The following RERE variants were observed in gnomAD, a reference collection of about 807,000 sequenced individuals.
RERE encodes the protein arginine-glutamic acid dipeptide repeats protein.
RERE carries 40 observed loss-of-function variants against 146.1 expected under a neutral mutation model. The observed-to-expected ratio is 0.27, with a 90% confidence interval of 0.21 to 0.36. RERE has a LOEUF of 0.36. Among genes scored for constraint, RERE ranks in the 10% least tolerant of loss-of-function variants. The pLI, the probability that RERE is intolerant of heterozygous loss-of-function variation, is 1.00. For synonymous variants in RERE, 1,003 were observed against 866.0 expected (o/e 1.16, Z -2.78); for missense variants, 1,933 against 2,138.7 (o/e 0.90, Z 1.90).
chr1:8,660,086 AT>A (rs1447918924), intron 1 of RERE, among the ~76,000 whole-genome samples: 2 of 151,972 alleles, frequency 1.3e-5, no homozygotes, highest in Non-Finnish European at 2.9e-5. Context: ...TTAATACCAT[AT>A]CATTTATATA....
intron 1 of RERE, chr1:8,750,451 G>A: frequency 1.1e-6 from 1 of 907,838 alleles, no homozygotes; most frequent in Non-Finnish European, 1.8e-6. Flanking sequence ...TTGAAGAGAA[G>A]AAGGTGGTTC....
intron 1 of RERE, among the ~76,000 whole-genome samples, chr1:8,702,685 T>C (rs1277522575): frequency 1.3e-5 from 2 of 152,220 alleles, no homozygotes; most frequent in Admixed American, 1.3e-4. Context: ...TTCTGCATTA[T>C]ACTCGGCTTC....
intron 7 of RERE, among the ~76,000 whole-genome samples, chr1:8,518,841 T>C: frequency 6.6e-6 from 1 of 152,180 alleles, no homozygotes; most frequent in East Asian, 1.9e-4. Flanking sequence ...TAGAGAAAAA[T>C]TTCCATAAAT....
rs571192127 is a variant in RERE, at chr1:8,677,454, G to GA, written c.-144-21014dup. Among the ~76,000 whole-genome samples, 569 of 101,574 alleles carry GA rather than the reference G, an allele frequency of 5.6e-3. 1 individual carries two copies. Among genetic ancestry groups the GA allele is most frequent in the East Asian group, 0.015 (52 of 3,396 alleles). 66.6% of individuals were successfully genotyped at this position (101,574 alleles called of 152,430 possible). On this transcript the variant is annotated intron_variant, in intron 1 of 22. Coordinates refer to ENST00000400908, the MANE Select transcript of RERE (RefSeq NM_001042681.2). ...AAAAAAAAAAAAGAAAGAAAGAAAA[G>GA]AAAAAAAAAAAAAAAGAAATTGTTG...
chr1:8,550,884 G>A (rs1645927477), intron 6 of RERE, among the ~76,000 whole-genome samples: 1 of 152,264 alleles, frequency 6.6e-6, no homozygotes, highest in East Asian at 1.9e-4. Flanking sequence ...GAATGGTTGG[G>A]AAACTGTCCA....
intron 1 of RERE, chr1:8,807,157 T>A (rs1468124856): frequency 6.6e-6 from 1 of 152,118 alleles, no homozygotes; most frequent in Non-Finnish European, 1.5e-5. Context: ...GCTCAAACAA[T>A]CCTCCCGCCT....
chr1:8,381,036 C>T (rs1238492115), intron 12 of RERE: 1 of 456,606 alleles, frequency 2.2e-6, no homozygotes, highest in Admixed American at 2.3e-5. Flanking sequence ...ACCTGGAACG[C>T]CTTCTCCTGG....
Position 8,364,696 on chromosome 1 carries a change from G to T in RERE, c.1540+50C>A. Reference sequence around the variant, plus strand: ...GGATGCATGAAATGTTCAGAACATGGAAGTGCTTGTGCCCCCGCCCCGCCC... The same window carrying T: ...GGATGCATGAAATGTTCAGAACATGTAAGTGCTTGTGCCCCCGCCCCGCCC... On this transcript the variant is annotated intron_variant, in intron 14 of 22. Transcript: ENST00000400908. The surrounding 1 kb of genome is among the most constrained non-coding windows in gnomAD (Gnocchi z 5.1). 7.6e-7 allele frequency: 1 copy of T among 1,322,844 alleles called. No homozygotes were observed. The highest frequency in any genetic ancestry group is 1.1e-6 in the Non-Finnish European group (1 of 915,676). The allele number at this position is 1,322,844 out of a possible 1,614,324, so 81.9% of individuals were successfully genotyped here. A position where few individuals can be genotyped will look rare whatever the true frequency, so the allele number is the denominator to read the frequency against.
intron 1 of RERE, among the ~76,000 whole-genome samples, chr1:8,765,587 G>A (rs909980179): frequency 1.7e-4 from 26 of 152,230 alleles, no homozygotes; most frequent in Non-Finnish European, 3.7e-4. Flanking sequence ...GGGAGGCTGA[G>A]GTGGATGGAT....
At chr1:8,787,046 C>T (rs978132055) in intron 1 of RERE, 6 of 543,664 alleles carry the variant, frequency 1.1e-5, no homozygotes, top group African/African-American at 3.8e-5. Flanking sequence ...CTTCCAGTGG[C>T]ATTATACTTG....
intron 1 of RERE, among the ~76,000 whole-genome samples, chr1:8,660,594 C>T (rs960030363): frequency 1.8e-4 from 28 of 152,212 alleles, no homozygotes; most frequent in Non-Finnish European, 3.8e-4. Flanking sequence ...GAGCTCAACC[C>T]TATCTGGCTT....
In RERE at chr1:8,501,032, G is replaced by T. The variant is rs1266950588; in HGVS notation, c.880-3503C>A. Among the ~76,000 whole-genome samples, 4 of 53,292 alleles carry T rather than the reference G, an allele frequency of 7.5e-5. 1 individual carries two copies. The allele number at this position is 53,292 out of a possible 152,430, so 35.0% of individuals were successfully genotyped here. A position where few individuals can be genotyped will look rare whatever the true frequency, so the allele number is the denominator to read the frequency against. On this transcript the variant is annotated intron_variant, in intron 8 of 22. Transcript: ENST00000400908. Reference sequence around the variant, plus strand: ...CGCCCGGCAGCCACCCCGTCCGGGAGGGGGGGGGGGGGTCAGCCCCCCGCC... The same window carrying T: ...CGCCCGGCAGCCACCCCGTCCGGGATGGGGGGGGGGGGTCAGCCCCCCGCC...
At chr1:8,519,576 A>G (rs1313574849) in intron 7 of RERE, 2 of 152,198 alleles carry the variant, frequency 1.3e-5, no homozygotes, top group African/African-American at 4.8e-5. Flanking sequence ...ATAAAAATAA[A>G]AGATGATTTA....
chr1:8,666,230 C>T (rs1169648432), intron 1 of RERE, among the ~76,000 whole-genome samples: 1 of 152,194 alleles, frequency 6.6e-6, no homozygotes, highest in Non-Finnish European at 1.5e-5. Context: ...TTGTTAGTGT[C>T]GGCCAAACAA....
chr1:8,427,687 CTGT>C (rs1644035257), intron 11 of RERE, among the ~76,000 whole-genome samples: 2 of 145,856 alleles, frequency 1.4e-5, no homozygotes, highest in South Asian at 4.5e-4. Flanking sequence ...GTGGCCTGTA[CTGT>C]TACTTCTCTA....
intron 2 of RERE, among the ~76,000 whole-genome samples, chr1:8,648,803 T>C (rs1456120030): frequency 1.3e-5 from 2 of 152,140 alleles, no homozygotes; most frequent in African/African-American, 2.4e-5. Flanking sequence ...TGTTTTGCAC[T>C]ATGTTCATGA....
At chr1:8,440,653 C>G (rs564201950) in intron 11 of RERE, among the ~76,000 whole-genome samples, 2 of 149,478 alleles carry the variant, frequency 1.3e-5, no homozygotes, top group African/African-American at 4.9e-5. Flanking sequence ...TTTGGGAGGC[C>G]GAGGCTGGCG....
chr1:8,500,444 G>A (rs1645115990), intron 8 of RERE, among the ~76,000 whole-genome samples: 1 of 152,228 alleles, frequency 6.6e-6, no homozygotes, highest in African/African-American at 2.4e-5. Context: ...GCTCCTGACC[G>A]CGAGTGATCC....
chr1:8,447,753 T>C (rs953000500), intron 11 of RERE, among the ~76,000 whole-genome samples: 1 of 152,212 alleles, frequency 6.6e-6, no homozygotes, highest in Non-Finnish European at 1.5e-5. Context: ...TGACCGTGTA[T>C]GCAATGGACA....
Sources: gnomAD v4.1 joint callset for allele counts (sites outside exome capture counted in the v4.1 genomes callset) on GRCh38, gnomAD v4.1.1 for gene constraint, Gnocchi (gnomAD v3.1) non-coding constraint, MANE v1.5 for transcripts, NCBI Gene and HGNC (gene_info 2026-07-23, HGNC 2026-07-21) for gene names.